Variants in AGBL1 observed in about 807,000 individuals in gnomAD.
The protein encoded by AGBL1 is AGBL carboxypeptidase 1.
AGBL1 carries 130 observed loss-of-function variants against 118.9 expected under a neutral mutation model. That is an observed-to-expected ratio of 1.09 (90% confidence interval 0.95 to 1.26). The LOEUF is 1.26. AGBL1 is among the 50% of genes most tolerant of loss of function. The pLI, the probability that AGBL1 is intolerant of heterozygous loss-of-function variation, is 0.00. For synonymous variants in AGBL1, 555 were observed against 478.9 expected (o/e 1.16, Z -2.08); for missense variants, 1,584 against 1,298.1 (o/e 1.22, Z -3.38).
chr15:86,450,189 C>T (rs1286115608), intron 18 of AGBL1, among the ~76,000 whole-genome samples: 2 of 152,280 alleles, frequency 1.3e-5, no homozygotes, highest in Non-Finnish European at 2.9e-5. Flanking sequence ...TGCATGGGGT[C>T]CATTTAATGA....
At chr15:86,838,963 A>AAAG (rs1555455668) in intron 22 of AGBL1, among the ~76,000 whole-genome samples, 68 of 150,384 alleles carry the variant, frequency 4.5e-4, no homozygotes, top group African/African-American at 1.5e-3. Flanking sequence ...AAAAAAAAAA[A>AAAG]AAAGAAAGAA....
chr15:86,716,440 ACTTT>A (rs1474412731), intron 22 of AGBL1, among the ~76,000 whole-genome samples: 1 of 152,170 alleles, frequency 6.6e-6, no homozygotes, highest in Non-Finnish European at 1.5e-5. Flanking sequence ...ATTTCATGTG[ACTTT>A]CTTCCCAGTT....
chr15:86,337,817 T>C (rs921983442), intron 17 of AGBL1, among the ~76,000 whole-genome samples: 1 of 152,222 alleles, frequency 6.6e-6, no homozygotes, highest in Non-Finnish European at 1.5e-5. Context: ...CATGTTTACC[T>C]GTGTAACAAA....
chr15:86,163,206 G>T (rs1198313126), intron 5 of AGBL1, among the ~76,000 whole-genome samples: 1 of 152,220 alleles, frequency 6.6e-6, no homozygotes, highest in Non-Finnish European at 1.5e-5. Context: ...GGAGGCAAAG[G>T]CGGGAGGACC....
chr15:86,941,774 A>C (rs1321552162), intron 23 of AGBL1, among the ~76,000 whole-genome samples: 1 of 152,216 alleles, frequency 6.6e-6, no homozygotes, highest in Non-Finnish European at 1.5e-5. Flanking sequence ...AGAGCTGCTG[A>C]CTGCCATGCA....
intron 17 of AGBL1, among the ~76,000 whole-genome samples, chr15:86,383,189 G>T (rs920395050): frequency 7.1e-6 from 1 of 141,600 alleles, no homozygotes; most frequent in African/African-American, 2.6e-5. Flanking sequence ...GAAAGGGTTT[G>T]GGGGAAGCCC....
At chr15:86,668,818 G>T (rs1436809892) in intron 21 of AGBL1, among the ~76,000 whole-genome samples, 1 of 152,216 alleles carries the variant, frequency 6.6e-6, no homozygotes. Flanking sequence ...ACCGCAATCT[G>T]CAAAGGGACA....
At chr15:86,355,934 A>G (rs1038247287) in intron 17 of AGBL1, among the ~76,000 whole-genome samples, 1 of 152,184 alleles carries the variant, frequency 6.6e-6, no homozygotes, top group African/African-American at 2.4e-5. Flanking sequence ...TAAGAATTTA[A>G]TGATGCACTC....
intron 22 of AGBL1, among the ~76,000 whole-genome samples, chr15:86,770,469 C>A (rs765616297): frequency 6.6e-6 from 1 of 151,916 alleles, no homozygotes; most frequent in South Asian, 2.1e-4. Context: ...TTTCCTACAA[C>A]AGAATTATTT....
chr15:86,987,095 G>A (rs560027708), intron 23 of AGBL1, among the ~76,000 whole-genome samples: 3 of 152,194 alleles, frequency 2.0e-5, no homozygotes, highest in South Asian at 2.1e-4. Context: ...GGCAAGGACC[G>A]GCCATTTTCA....
chr15:86,468,106 T>G (rs1417203160), intron 18 of AGBL1, among the ~76,000 whole-genome samples: 2 of 151,754 alleles, frequency 1.3e-5, no homozygotes, highest in African/African-American at 2.4e-5. Context: ...ATAATGAGAG[T>G]AGGGGGACAG....
chr15:86,963,050 T>C (rs2081009576), intron 23 of AGBL1, among the ~76,000 whole-genome samples: 1 of 152,092 alleles, frequency 6.6e-6, no homozygotes, highest in African/African-American at 2.4e-5. Flanking sequence ...TAAACAATGA[T>C]ATTAAAATAT....
At chr15:86,479,960 T>C (rs1230361592) in intron 18 of AGBL1, among the ~76,000 whole-genome samples, 1 of 152,086 alleles carries the variant, frequency 6.6e-6, no homozygotes, top group African/African-American at 2.4e-5. Context: ...CTGGAAACCA[T>C]CATTCTCAGC....
intron 7 of AGBL1, among the ~76,000 whole-genome samples, chr15:86,251,366 T>C (rs2078812923): frequency 2.0e-5 from 3 of 152,112 alleles, no homozygotes; most frequent in Admixed American, 2.0e-4. Context: ...GACATCAATC[T>C]CAGAGTTTCT....
At chr15:86,888,318 C>G (rs1407921693) in intron 22 of AGBL1, among the ~76,000 whole-genome samples, 1 of 151,006 alleles carries the variant, frequency 6.6e-6, no homozygotes, top group African/African-American at 2.4e-5. Flanking sequence ...ATTAGGCTGT[C>G]CAGTGGAAAC....
intron 23 of AGBL1, among the ~76,000 whole-genome samples, chr15:86,951,416 C>G (rs750482707): frequency 6.6e-6 from 1 of 152,142 alleles, no homozygotes; most frequent in South Asian, 2.1e-4. Flanking sequence ...ATAGCACTCA[C>G]AAGAAAACAA....
intron 23 of AGBL1, among the ~76,000 whole-genome samples, chr15:86,951,612 G>A (rs1220039413): frequency 6.6e-6 from 1 of 152,230 alleles, no homozygotes; most frequent in East Asian, 1.9e-4. Context: ...TTGTCTGTGG[G>A]ATTAGAAGTC....
chr15:86,435,897 T>C (rs531380480), intron 18 of AGBL1, among the ~76,000 whole-genome samples: 10 of 152,324 alleles, frequency 6.6e-5, no homozygotes, highest in African/African-American at 1.9e-4. Context: ...ATTACCAATA[T>C]ATTACCAATA....
intron 21 of AGBL1, 99 bp from the exon 22 acceptor site, chr15:86,674,174 A>G (rs1217210676): frequency 8.8e-7 from 1 of 1,138,644 alleles, no homozygotes; most frequent in Non-Finnish European, 1.3e-6. Context: ...CACTGTCTGA[A>G]AAATGCCTGT....
Sources: allele counts gnomAD v4.1 joint callset (sites outside exome capture counted in the v4.1 genomes callset), GRCh38; gene constraint gnomAD v4.1.1; transcripts MANE v1.5; gene names NCBI Gene and HGNC (gene_info 2026-07-23, HGNC 2026-07-21).